The following TM9SF2 variants were observed in gnomAD, a reference collection of about 807,000 sequenced individuals.
TM9SF2 encodes transmembrane 9 superfamily member 2, also known as 76 kDa membrane protein.
Under a neutral mutation model 84.9 loss-of-function variants are expected in TM9SF2, and 13 were observed. The observed-to-expected ratio is 0.15, with a 90% CI of 0.10 to 0.24. TM9SF2 has a LOEUF of 0.24. TM9SF2 is among the 10% of genes least tolerant of loss of function. The pLI is 1.00. For synonymous variants in TM9SF2, 273 were observed against 285.8 expected (o/e 0.96, Z 0.45); for missense variants, 562 against 818.5 (o/e 0.69, Z 3.82).
At chr13:99,551,270 T>A (rs767337742) in intron 12 of TM9SF2, among the ~76,000 whole-genome samples, 5 of 152,172 alleles carry the variant, frequency 3.3e-5, no homozygotes, top group Non-Finnish European at 7.3e-5. Flanking sequence ...TCAAGCATTG[T>A]GAAGGTGTTT....
intron 10 of TM9SF2, among the ~76,000 whole-genome samples, chr13:99,545,488 T>A (rs2046278719): frequency 1.3e-5 from 2 of 152,076 alleles, no homozygotes; most frequent in Non-Finnish European, 2.9e-5. Context: ...CAGAGGGTGG[T>A]AGGGTGAAGG....
In TM9SF2 at chr13:99,501,512, ATC is replaced by A. The variant is rs1342812997; in HGVS notation, c.-91_-90del. ...AGCCTTCTGGGGGCCGGCTTCCTTT[ATC>A]TCTGGCGGCCTTGTAGTCGTCTCCG... On this transcript the variant is annotated 5_prime_UTR_variant, in exon 1 of 17. Transcript: ENST00000376387. The A allele has an allele frequency of 2.0e-6, 3 of 1,466,248 alleles. No homozygotes were observed. The Admixed American group carries it at 6.7e-5, about 33-fold the overall frequency. The allele number at this position is 1,466,248 out of a possible 1,614,324, so 90.8% of individuals were successfully genotyped here. A position where few individuals can be genotyped will look rare whatever the true frequency, so the allele number is the denominator to read the frequency against.
intron 2 of TM9SF2, 136 bp downstream of exon 2, chr13:99,517,817 T>A: frequency 2.2e-6 from 1 of 446,912 alleles, no homozygotes. Context: ...AAGGTGTGGT[T>A]AAAAATGTGA....
At chr13:99,510,068 C>G (rs573710402) in intron 1 of TM9SF2, among the ~76,000 whole-genome samples, 2 of 152,306 alleles carry the variant, frequency 1.3e-5, no homozygotes, top group South Asian at 4.1e-4. Flanking sequence ...GTGCAGAGTT[C>G]CACAGATCCC....
chr13:99,549,133 T>C, intron 11 of TM9SF2, 32 bp from the exon 12 acceptor site: 3 of 1,590,766 alleles, frequency 1.9e-6, no homozygotes, highest in Non-Finnish European at 2.6e-6. Context: ...AAAGAAAATC[T>C]GTATTTATAC....
Position 99,501,588 on chromosome 13 carries a change from T to C in TM9SF2, c.-19T>C, listed in dbSNP as rs2053084546. 3 of 1,609,596 alleles carry C rather than the reference T, an allele frequency of 1.9e-6. No homozygotes were observed. Among genetic ancestry groups the C allele is most frequent in the Non-Finnish European group, 2.5e-6 (3 of 1,178,126 alleles). On this transcript the variant is annotated 5_prime_UTR_variant, in exon 1 of 17. Transcript: ENST00000376387. ...CTTGACCCCCTAGGTTTGATTGCCC[T>C]TTCCCCGAAACAACTATCATGAGCG... is the stretch of plus-strand genomic sequence containing the variant.
At chr13:99,511,457 A>T (rs1300070700) in intron 1 of TM9SF2, among the ~76,000 whole-genome samples, 1 of 152,170 alleles carries the variant, frequency 6.6e-6, no homozygotes, top group Non-Finnish European at 1.5e-5. Context: ...TTCTTATGAC[A>T]CTTTTGAAAT....
chr13:99,540,869 C>T (rs1209664944), intron 8 of TM9SF2, 76 bp downstream of exon 8: 1 of 1,277,890 alleles, frequency 7.8e-7, no homozygotes, highest in Admixed American at 1.8e-5. Flanking sequence ...CATTTACTCT[C>T]AAATCCTCTC....
Position 99,541,537 on chromosome 13 carries a change from C to G in TM9SF2, c.909-22C>G, listed in dbSNP as rs745661888. On this transcript the variant is annotated intron_variant, in intron 8 of 16. Transcript: ENST00000376387. ...TCCTAGGATTAAGCTACAGATTACTCATGATGTGCTTATTTCTACAGCATT... is the reference window on the plus strand; with the variant it reads ...TCCTAGGATTAAGCTACAGATTACTGATGATGTGCTTATTTCTACAGCATT... The G allele has an allele frequency of 3.2e-6, 5 of 1,542,528 alleles. No homozygotes were observed. In the Admixed American group the frequency reaches 8.5e-5, roughly 26 times the overall value.
intron 4 of TM9SF2, among the ~76,000 whole-genome samples, chr13:99,533,435 A>G (rs1001864724): frequency 2.6e-5 from 4 of 152,202 alleles, no homozygotes; most frequent in Non-Finnish European, 4.4e-5. Context: ...TTATTCTGCA[A>G]CTTGCTCATT....
At chr13:99,545,294 A>G (rs2046278083) in intron 10 of TM9SF2, among the ~76,000 whole-genome samples, 1 of 151,922 alleles carries the variant, frequency 6.6e-6, no homozygotes, top group Non-Finnish European at 1.5e-5. Context: ...TGGGAACCAA[A>G]CTCACACCTT....
intron 3 of TM9SF2, 86 bp from the exon 4 acceptor site, chr13:99,529,381 A>G: frequency 7.9e-7 from 1 of 1,266,044 alleles, no homozygotes; most frequent in Non-Finnish European, 1.0e-6. Context: ...ATTTAATGGG[A>G]CCAGCACTTT....
At chr13:99,529,674 G>T in intron 4 of TM9SF2, 80 bp downstream of exon 4, 1 of 1,347,570 alleles carries the variant, frequency 7.4e-7, no homozygotes, top group Non-Finnish European at 9.7e-7. Flanking sequence ...TAAATTACTT[G>T]ATTGTGTAAA....
At chr13:99,527,560 G>T (rs1308842800) in intron 3 of TM9SF2, among the ~76,000 whole-genome samples, 2 of 152,172 alleles carry the variant, frequency 1.3e-5, no homozygotes, top group African/African-American at 2.4e-5. Context: ...AACACGTGGG[G>T]ATTACAATTC....
rs370285798 is a variant in TM9SF2, at chr13:99,522,570, C to G, written c.333+2441C>G. 2.6e-5 allele frequency among the ~76,000 whole-genome samples: 4 copies of G among 152,308 alleles called. No individual in the cohort carries two copies. In the East Asian group the frequency reaches 7.7e-4, roughly 29 times the overall value. Reference sequence around the variant, plus strand: ...TCTTCTTATAGCAGATGACTGTTTTCAGGCATGCTTTTTAAATTTTACAAT... The same window carrying G: ...TCTTCTTATAGCAGATGACTGTTTTGAGGCATGCTTTTTAAATTTTACAAT... On this transcript the variant is annotated intron_variant, in intron 3 of 16. Coordinates refer to ENST00000376387, the MANE Select transcript of TM9SF2 (RefSeq NM_004800.3).
chr13:99,520,147 C>A lies in TM9SF2; in HGVS notation c.333+18C>A. On this transcript the variant is annotated intron_variant, in intron 3 of 16. Coordinates refer to ENST00000376387, the MANE Select transcript of TM9SF2 (RefSeq NM_004800.3). ...CATATAAGGTTTGTATTTAGTGTTA[C>A]ATAATAATTATTTACTTACAGCTTT... 3 of 1,574,570 alleles carry A rather than the reference C, an allele frequency of 1.9e-6. No homozygotes were observed. Among genetic ancestry groups the A allele is most frequent in the South Asian group, 2.4e-5 (2 of 85,080 alleles).
intron 4 of TM9SF2, among the ~76,000 whole-genome samples, chr13:99,536,048 A>T (rs572648404): frequency 6.6e-6 from 1 of 152,068 alleles, no homozygotes; most frequent in South Asian, 2.1e-4. Context: ...ATATCTTGCA[A>T]TTGTATTCCT....
At chr13:99,543,206 A>G (rs917397006) in intron 9 of TM9SF2, among the ~76,000 whole-genome samples, 1 of 152,198 alleles carries the variant, frequency 6.6e-6, no homozygotes, top group African/African-American at 2.4e-5. Flanking sequence ...CCTCCCAGCC[A>G]TCACATATGT....
At position 99,547,063 on chromosome 13, in the gene TM9SF2, T is replaced by C; in HGVS notation, c.1229T>C (p.Leu410Pro). ...TGTGCTGTGGTCCTGTGGGTGCTGC[T>C]GGGCACCCCTGCAGGCTATGTTGCT... ...MTCAVVLWVLLGTPAGYVAAR... is the reference protein window; with the variant it reads ...MTCAVVLWVLPGTPAGYVAAR... The change falls in exon 11 of 17, where the codon CTG becomes CCG. Residue 410 changes from leucine (L) to proline (P), a missense_variant. Coordinates refer to ENST00000376387, the MANE Select transcript of TM9SF2 (RefSeq NM_004800.3). The C allele has an allele frequency of 6.2e-7, 1 of 1,614,186 alleles. No individual in the cohort carries two copies. The highest frequency in any genetic ancestry group is 8.5e-7 in the Non-Finnish European group (1 of 1,180,024).
Sources: allele counts gnomAD v4.1 joint callset (sites outside exome capture counted in the v4.1 genomes callset), GRCh38; gene constraint gnomAD v4.1.1; transcripts MANE v1.5; gene names NCBI Gene and HGNC (gene_info 2026-07-23, HGNC 2026-07-21).